NKAIN2: variants seen among roughly 807,000 people sequenced by gnomAD.
The protein encoded by NKAIN2 is sodium/potassium transporting ATPase interacting 2.
A neutral mutation model predicts 32.6 loss-of-function variants in NKAIN2; 14 were observed. That is an observed-to-expected ratio of 0.43 (90% CI 0.28 to 0.67). NKAIN2 has a LOEUF of 0.67. NKAIN2 is among the 30% of genes least tolerant of loss of function. NKAIN2 has a pLI of 0.17. For missense variants in NKAIN2, 198 were observed against 258.3 expected (o/e 0.77, Z 1.60); for synonymous variants, 80 against 87.2 (o/e 0.92, Z 0.46).
chr6:124,292,522 G>A (rs1434198704), intron 2 of NKAIN2, among the ~76,000 whole-genome samples: 1 of 150,200 alleles, frequency 6.7e-6, no homozygotes, highest in Non-Finnish European at 1.5e-5. Context: ...TTTTAACAAT[G>A]AGAGCTGAGC....
chr6:124,372,270 A>C (rs569508034), intron 3 of NKAIN2, among the ~76,000 whole-genome samples: 1 of 152,270 alleles, frequency 6.6e-6, no homozygotes, highest in East Asian at 1.9e-4. Flanking sequence ...TTCAAGTTAC[A>C]TTCTCCCAGC....
intron 1 of NKAIN2, among the ~76,000 whole-genome samples, chr6:124,249,780 G>A (rs966908490): frequency 2.0e-5 from 3 of 152,062 alleles, no homozygotes; most frequent in African/African-American, 7.2e-5. Flanking sequence ...GCTGCCTGAA[G>A]CACAGAGAAC....
chr6:124,140,038 A>G (rs111909869), intron 1 of NKAIN2, among the ~76,000 whole-genome samples: 4 of 152,180 alleles, frequency 2.6e-5, no homozygotes, highest in African/African-American at 9.7e-5. Context: ...AGCGAACACA[A>G]GTAAAATTCA....
intron 1 of NKAIN2, among the ~76,000 whole-genome samples, chr6:124,133,610 T>C (rs1582708209): frequency 1.3e-5 from 2 of 152,054 alleles, no homozygotes; most frequent in African/African-American, 4.8e-5. Context: ...AAAAATTAAA[T>C]AAATAAAGTA....
chr6:123,905,965 G>T (rs1445063218), intron 1 of NKAIN2, among the ~76,000 whole-genome samples: 1 of 152,136 alleles, frequency 6.6e-6, no homozygotes, highest in Non-Finnish European at 1.5e-5. Context: ...ATGGATTTTG[G>T]AATTGTTTTG....
chr6:124,557,487 A>T (rs1373691036), intron 3 of NKAIN2, among the ~76,000 whole-genome samples: 1 of 152,200 alleles, frequency 6.6e-6, no homozygotes, highest in Non-Finnish European at 1.5e-5. Flanking sequence ...TTGCTGATTA[A>T]GGAAAACAAA....
At position 124,138,447 on chromosome 6, in the gene NKAIN2, A is replaced by G. The variant is rs535777636; in HGVS notation, c.55-144558A>G. 4.6e-5 allele frequency among the ~76,000 whole-genome samples: 7 copies of G among 152,200 alleles called. No homozygotes were observed. The Middle Eastern group carries it at 0.01, about 222-fold the overall frequency. ...CAGTATGGAAATTTTTTAAAGAACT[A>G]AAAGTAGAACTACCATTCGATCCGG... is the stretch of plus-strand genomic sequence containing the variant. On this transcript the variant is annotated intron_variant, in intron 1 of 6. Coordinates refer to ENST00000368417, the MANE Select transcript of NKAIN2 (RefSeq NM_001040214.3).
At chr6:124,148,576 A>G (rs1787545109) in intron 1 of NKAIN2, among the ~76,000 whole-genome samples, 1 of 152,138 alleles carries the variant, frequency 6.6e-6, no homozygotes, top group Non-Finnish European at 1.5e-5. Context: ...GCAGATCAAT[A>G]TGTGGTGTTT....
At chr6:123,824,899 A>G (rs1038755) in intron 1 of NKAIN2, among the ~76,000 whole-genome samples, 18,267 of 152,096 alleles carry the variant, frequency 0.12, 1,882 homozygotes, top group East Asian at 0.56. Flanking sequence ...TGCTTCAGAA[A>G]AAAGCAAGGA....
chr6:124,642,839 C>T (rs1382556177), intron 3 of NKAIN2, among the ~76,000 whole-genome samples: 4 of 152,136 alleles, frequency 2.6e-5, no homozygotes, highest in Non-Finnish European at 4.4e-5. Context: ...ATGTCATCAA[C>T]ATAAATATGT....
chr6:123,996,228 C>T (rs1280863654), intron 1 of NKAIN2, among the ~76,000 whole-genome samples: 1 of 151,906 alleles, frequency 6.6e-6, no homozygotes, highest in Admixed American at 6.6e-5. Context: ...TTTCTTTTTA[C>T]TGAGTGATGG....
chr6:124,462,711 T>C (rs1406408205), intron 3 of NKAIN2, among the ~76,000 whole-genome samples: 2 of 152,064 alleles, frequency 1.3e-5, no homozygotes, highest in African/African-American at 2.4e-5. Flanking sequence ...TATATGCTTA[T>C]TCAGGACTCT....
intron 4 of NKAIN2, among the ~76,000 whole-genome samples, chr6:124,776,658 C>T (rs566714661): frequency 6.6e-6 from 1 of 152,282 alleles, no homozygotes; most frequent in South Asian, 2.1e-4. Context: ...TCCACACTTC[C>T]ACTTTAATAT....
chr6:124,030,255 T>G (rs1030589806), intron 1 of NKAIN2, among the ~76,000 whole-genome samples: 1 of 152,136 alleles, frequency 6.6e-6, no homozygotes, highest in Non-Finnish European at 1.5e-5. Flanking sequence ...TCACAATACA[T>G]GTAATGCACT....
At chr6:123,969,980 T>C (rs984119725) in intron 1 of NKAIN2, among the ~76,000 whole-genome samples, 1 of 152,116 alleles carries the variant, frequency 6.6e-6, no homozygotes, top group African/African-American at 2.4e-5. Context: ...AAATAATATG[T>C]CTTAGGACAA....
intron 3 of NKAIN2, among the ~76,000 whole-genome samples, chr6:124,582,647 G>A (rs1428718767): frequency 2.0e-5 from 3 of 151,908 alleles, no homozygotes; most frequent in African/African-American, 7.3e-5. Flanking sequence ...AATCAGACAT[G>A]GGCACATTAA....
chr6:124,016,659 T>C (rs924413985), intron 1 of NKAIN2, among the ~76,000 whole-genome samples: 3 of 152,182 alleles, frequency 2.0e-5, no homozygotes, highest in African/African-American at 7.2e-5. Context: ...CAACCACCAC[T>C]CATCTCTAGG....
intron 1 of NKAIN2, among the ~76,000 whole-genome samples, chr6:124,085,182 C>T (rs1401433927): frequency 6.6e-6 from 1 of 151,984 alleles, no homozygotes; most frequent in African/African-American, 2.4e-5. Context: ...ATTTTATGCT[C>T]ATCAGTTGGA....
At chr6:123,810,895 G>A (rs532456198) in intron 1 of NKAIN2, among the ~76,000 whole-genome samples, 1 of 152,284 alleles carries the variant, frequency 6.6e-6, no homozygotes, top group South Asian at 2.1e-4. Context: ...TTGAACCTGA[G>A]TGTGCATCAG....
Sources: allele counts gnomAD v4.1 joint callset (sites outside exome capture counted in the v4.1 genomes callset), GRCh38; gene constraint gnomAD v4.1.1; transcripts MANE v1.5; gene names NCBI Gene and HGNC (gene_info 2026-07-23, HGNC 2026-07-21).